Variants in COG5 observed in about 807,000 individuals in gnomAD.
COG5 encodes conserved oligomeric Golgi complex subunit 5.
Under a neutral mutation model 110.4 loss-of-function variants are expected in COG5, and 86 were observed. The ratio of observed to expected loss-of-function variants is 0.78; its 90% CI spans 0.65 to 0.93. The LOEUF (loss-of-function observed/expected upper bound fraction) is 0.93. COG5 is among the 40% of genes least tolerant of loss of function. COG5 has a pLI of 0.00. For missense variants in COG5, 1,077 were observed against 987.0 expected (o/e 1.09, Z -1.22); for synonymous variants, 360 against 334.6 (o/e 1.08, Z -0.83).
At chr7:107,514,043 TATA>T (rs1799737963) in intron 6 of COG5, among the ~76,000 whole-genome samples, 2 of 149,842 alleles carry the variant, frequency 1.3e-5, no homozygotes, top group East Asian at 2.0e-4. Context: ...AAACTTAAAG[TATA>T]ATAATAATAA....
In COG5 at chr7:107,550,139, T is replaced by A. The variant is rs547642685; in HGVS notation, c.293-1807A>T. 1.6e-4 allele frequency among the ~76,000 whole-genome samples: 25 copies of A among 152,234 alleles called. No individual in the cohort carries two copies. In the South Asian group the frequency reaches 4.8e-3, roughly 29 times the overall value. ...CATCTCCATTACTCATACCATCATC[T>A]ATCCAATTTTTGAGACTAAAATCCT... On this transcript the variant is annotated intron_variant, in intron 3 of 21. Transcript: ENST00000297135.
At chr7:107,507,288 TTTTC>T (rs1220176385) in intron 6 of COG5, among the ~76,000 whole-genome samples, 1 of 145,122 alleles carries the variant, frequency 6.9e-6, no homozygotes, top group African/African-American at 2.5e-5. Flanking sequence ...TAAAACTTCC[TTTTC>T]TTTTCTTTTT....
intron 6 of COG5, among the ~76,000 whole-genome samples, chr7:107,524,812 T>A (rs1029938357): frequency 6.6e-6 from 1 of 152,200 alleles, no homozygotes; most frequent in East Asian, 1.9e-4. Flanking sequence ...TTTTTAACAA[T>A]CTTTATAAAA....
chr7:107,204,711 C>A (rs1399531188), intron 21 of COG5, among the ~76,000 whole-genome samples: 1 of 152,182 alleles, frequency 6.6e-6, no homozygotes, highest in Non-Finnish European at 1.5e-5. Flanking sequence ...CTGGCTATCA[C>A]TGATCAGTTT....
chr7:107,293,906 T>A (rs1806377862), intron 12 of COG5, among the ~76,000 whole-genome samples: 2 of 151,850 alleles, frequency 1.3e-5, no homozygotes, highest in Admixed American at 1.3e-4. Context: ...ACTCTGTCTC[T>A]ACTAAAAATA....
At chr7:107,361,900 G>T in intron 10 of COG5, 133 bp downstream of exon 10, 1 of 651,318 alleles carries the variant, frequency 1.5e-6, no homozygotes, top group East Asian at 2.9e-5. Context: ...TATTATAGTT[G>T]TCAAGAAATA....
chr7:107,224,224 T>C (rs981673640), intron 19 of COG5, among the ~76,000 whole-genome samples: 2 of 152,160 alleles, frequency 1.3e-5, no homozygotes, highest in Non-Finnish European at 2.9e-5. Flanking sequence ...GTGCTAAAAA[T>C]GGAAGCTGCA....
At chr7:107,372,025 G>A (rs1284605835) in intron 8 of COG5, among the ~76,000 whole-genome samples, 1 of 152,148 alleles carries the variant, frequency 6.6e-6, no homozygotes, top group Non-Finnish European at 1.5e-5. Context: ...CACCAGGTAT[G>A]TCTTGGTAGG....
In COG5 at chr7:107,236,485, C is replaced by G. The variant is rs2116455775; in HGVS notation, c.2056G>C (p.Gly686Arg). ...TCAGCAGCAAGTCGCATTTTCCCAC[C>G]TTCACCAAGAGGTCTTATGAGACTG... The part of the protein sequence containing the change: ...HASLIRPLGE[G>R]GKMRLAADFA... Residue 686 changes from glycine (G) to arginine (R), a missense_variant, in exon 18 of 22, where the codon GGT becomes CGT. Transcript: ENST00000297135. 1.2e-6 allele frequency: 2 copies of G among 1,614,100 alleles called. No individual in the cohort carries two copies. Among genetic ancestry groups the G allele is most frequent in the Non-Finnish European group, 1.7e-6 (2 of 1,179,986 alleles).
At chr7:107,512,297 T>C (rs956995041) in intron 6 of COG5, among the ~76,000 whole-genome samples, 7 of 152,176 alleles carry the variant, frequency 4.6e-5, no homozygotes, top group African/African-American at 9.7e-5. Flanking sequence ...CCATTCACAA[T>C]TGCTTCAAAG....
chr7:107,414,721 T>TTTTTTTTTTTTTTTTTC, intron 6 of COG5, among the ~76,000 whole-genome samples: 1 of 83,228 alleles, frequency 1.2e-5, no homozygotes, highest in Non-Finnish European at 2.0e-5. Flanking sequence ...TTTTTTTTTT[T>TTTTTTTTTTTTTTTTTC]TTTTTTTTTT....
chr7:107,478,543 T>G (rs1312569763), intron 6 of COG5, among the ~76,000 whole-genome samples: 1 of 152,022 alleles, frequency 6.6e-6, no homozygotes, highest in Non-Finnish European at 1.5e-5. Context: ...TATTTAAACT[T>G]ATTTATAAAT....
chr7:107,514,300 T>C (rs1238899099), intron 6 of COG5, among the ~76,000 whole-genome samples: 1 of 149,344 alleles, frequency 6.7e-6, no homozygotes, highest in East Asian at 2.0e-4. Context: ...TAACATAAAA[T>C]ACATTTTCTA....
intron 14 of COG5, among the ~76,000 whole-genome samples, chr7:107,271,687 T>C (rs867760662): frequency 5.9e-5 from 9 of 152,206 alleles, no homozygotes; most frequent in African/African-American, 9.6e-5. Context: ...TTCTAGAATA[T>C]GCTTTTGGCT....
chr7:107,297,553 A>ACT (rs1467111177), intron 12 of COG5, among the ~76,000 whole-genome samples: 1 of 139,608 alleles, frequency 7.2e-6, no homozygotes, highest in African/African-American at 2.7e-5. Context: ...GGTTCAAGCG[A>ACT]CTCTCCTGCC....
chr7:107,559,135 G>C (rs1326280802), intron 1 of COG5, among the ~76,000 whole-genome samples: 1 of 151,950 alleles, frequency 6.6e-6, no homozygotes. Context: ...AAATTTATAG[G>C]TGTTACTGAA....
intron 6 of COG5, among the ~76,000 whole-genome samples, chr7:107,510,491 A>G (rs2129143548): frequency 6.6e-6 from 1 of 152,324 alleles, no homozygotes; most frequent in South Asian, 2.1e-4. Flanking sequence ...CAGATCAACG[A>G]GACAGAAAGT....
chr7:107,234,926 A>T (rs1316243921), intron 18 of COG5, among the ~76,000 whole-genome samples: 2 of 152,226 alleles, frequency 1.3e-5, no homozygotes, highest in African/African-American at 2.4e-5. Context: ...AGTTAAATGT[A>T]CAGGTGCCTA....
In COG5 at chr7:107,483,611, G is replaced by A. The variant is rs376540139; in HGVS notation, c.538+43626C>T. On this transcript the variant is annotated intron_variant, in intron 6 of 21. Transcript: ENST00000297135. The stretch of plus-strand genomic sequence containing the variant: ...CCCAGCTACTTGGGAAGCTGAGGCA[G>A]GAGAATCGCTTGAACCTGGGAGGCA... Among the ~76,000 whole-genome samples the A allele has an allele frequency of 7.9e-5, 12 of 151,934 alleles. No homozygotes were observed. In the East Asian group the frequency reaches 1.5e-3, roughly 20 times the overall value.
Sources: allele counts gnomAD v4.1 joint callset (sites outside exome capture counted in the v4.1 genomes callset), GRCh38; gene constraint gnomAD v4.1.1; transcripts MANE v1.5; gene names NCBI Gene and HGNC (gene_info 2026-07-23, HGNC 2026-07-21).